SHC4: variants seen among roughly 807,000 people sequenced by gnomAD.
SHC4 encodes the protein SHC-transforming protein 4.
A neutral mutation model predicts 69.4 loss-of-function variants in SHC4; 41 were observed. The ratio of observed to expected loss-of-function variants is 0.59; its 90% confidence interval spans 0.46 to 0.77. The LOEUF is 0.77. Ranked by LOEUF, SHC4 falls within the 30% of genes least tolerant of loss-of-function variation. The pLI is 0.00. For synonymous variants in SHC4, 318 were observed against 299.3 expected (o/e 1.06, Z -0.64); for missense variants, 777 against 783.8 (o/e 0.99, Z 0.10).
intron 2 of SHC4, among the ~76,000 whole-genome samples, chr15:48,914,412 C>T (rs1047790949): frequency 7.9e-5 from 12 of 152,192 alleles, no homozygotes; most frequent in East Asian, 5.8e-4. Flanking sequence ...TTACTCCTTT[C>T]GAGGTGATTT....
At chr15:48,867,766 T>C (rs968184672) in intron 6 of SHC4, 52 bp downstream of exon 6, 2 of 1,457,724 alleles carry the variant, frequency 1.4e-6, no homozygotes, top group Admixed American at 1.7e-5. Flanking sequence ...GGTTACTTTT[T>C]AGAGTTGGTA....
chr15:48,867,234 A>G (rs1292227961), intron 6 of SHC4, among the ~76,000 whole-genome samples: 2 of 152,262 alleles, frequency 1.3e-5, no homozygotes, highest in Non-Finnish European at 2.9e-5. Flanking sequence ...GCACTAACCT[A>G]TAATAGAAAT....
chr15:48,835,619 T>C (rs919756633), intron 10 of SHC4, among the ~76,000 whole-genome samples: 1 of 152,104 alleles, frequency 6.6e-6, no homozygotes, highest in Non-Finnish European at 1.5e-5. Flanking sequence ...ACAAAAACAG[T>C]TGATGAGGTA....
chr15:48,880,522 A>G (rs894799363), intron 4 of SHC4, among the ~76,000 whole-genome samples: 2 of 152,090 alleles, frequency 1.3e-5, no homozygotes, highest in African/African-American at 4.8e-5. Flanking sequence ...TTTACTAGGA[A>G]AGATAAACTC....
At position 48,826,036 on chromosome 15, in the gene SHC4, C is replaced by A; in HGVS notation, c.1828G>T (p.Glu610Ter). ...NSLPIISSGS[E>*]VSLKQPVRKD... ...CTCACTGGTTGTTTAAGGCTTACTT[C>A]GCTTCCAGAGGAGATGATTGGCAAA... The change falls in exon 12 of 12, where the codon GAA (glutamate) becomes TAA (stop). Residue 610 changes from glutamate (E) to a stop codon, truncating the protein, a stop_gained. Transcript: ENST00000332408. LOFTEE classifies it high-confidence loss of function. 6.2e-7 allele frequency: 1 copy of A among 1,613,972 alleles called. No individual in the cohort carries two copies. The highest frequency in any genetic ancestry group is 8.5e-7 in the Non-Finnish European group (1 of 1,179,944).
chr15:48,912,700 T>G (rs1900531173), intron 2 of SHC4, among the ~76,000 whole-genome samples: 1 of 152,180 alleles, frequency 6.6e-6, no homozygotes, highest in African/African-American at 2.4e-5. Flanking sequence ...GTTTTCTGGT[T>G]CCTTCTTATT....
chr15:48,898,462 G>C (rs1205796994), intron 2 of SHC4, among the ~76,000 whole-genome samples: 1 of 152,160 alleles, frequency 6.6e-6, no homozygotes, highest in Non-Finnish European at 1.5e-5. Context: ...TTTGAGTACT[G>C]CCCACAGCAT....
rs28418669 is a variant in SHC4 at position 48,905,691 on chromosome 15, A to C, written c.657-14880T>G. Reference sequence around the variant, plus strand: ...CAATCAGAGCTAAAAATACACATGCATAGGCTTTCACATTCATGTGTTTTA... The same window carrying C: ...CAATCAGAGCTAAAAATACACATGCCTAGGCTTTCACATTCATGTGTTTTA... On this transcript the variant is annotated intron_variant, in intron 2 of 11. Transcript: ENST00000332408. Among the ~76,000 whole-genome samples the C allele has an allele frequency of 1.3e-3, 193 of 152,370 alleles. 2 individuals are homozygous for C. The highest frequency in any genetic ancestry group is 4.5e-3 in the African/African-American group (189 of 41,588).
intron 2 of SHC4, among the ~76,000 whole-genome samples, chr15:48,914,402 T>G (rs1427052597): frequency 6.6e-6 from 1 of 152,164 alleles, no homozygotes; most frequent in Non-Finnish European, 1.5e-5. Flanking sequence ...AAAGGGGAAA[T>G]TACTCCTTTC....
Position 48,824,455 on chromosome 15 carries a change from A to G in SHC4, c.*1516T>C, listed in dbSNP as rs370024614. The G allele has an allele frequency of 1.3e-5, 2 of 152,192 alleles. No individual in the cohort carries two copies. The highest frequency in any genetic ancestry group is 3.9e-4 in the East Asian group (2 of 5,188). 9.4% of individuals were successfully genotyped at this position (152,192 alleles called of 1,614,324 possible). On this transcript the variant is annotated 3_prime_UTR_variant, in exon 12 of 12. Coordinates refer to ENST00000332408, the MANE Select transcript of SHC4 (RefSeq NM_203349.4). ...AAACATTTTTCTTGGAAAGGCAAGA[A>G]AAGGACATAAGTAGTTTTCTGCTAC...
chr15:48,891,624 A>T (rs1356789466), intron 2 of SHC4, among the ~76,000 whole-genome samples: 1 of 152,142 alleles, frequency 6.6e-6, no homozygotes, highest in Non-Finnish European at 1.5e-5. Flanking sequence ...ACATATATTA[A>T]ACTTCTCACA....
intron 2 of SHC4, among the ~76,000 whole-genome samples, chr15:48,921,441 TCTC>T (rs1478194842): frequency 6.6e-6 from 1 of 151,794 alleles, no homozygotes; most frequent in African/African-American, 2.4e-5. Flanking sequence ...TTCAAGCAAT[TCTC>T]CTGCCTCAGC....
rs1901576238 is a variant in SHC4 at position 48,963,156 on chromosome 15, A to G, written c.-141T>C. On this transcript the variant is annotated 5_prime_UTR_variant, in exon 1 of 12. Transcript: ENST00000332408. The stretch of plus-strand genomic sequence containing the variant: ...TCCAACTCTGCTCTCGAGCTCGCCC[A>G]CCTCGGCTCCCGGCCCCTTAAGGGT... 2.3e-6 allele frequency: 2 copies of G among 868,244 alleles called. No homozygotes were observed. The highest frequency in any genetic ancestry group is 5.3e-5 in the East Asian group (2 of 37,516). The allele number at this position is 868,244 out of a possible 1,614,324, so 53.8% of individuals were successfully genotyped here. A position where few individuals can be genotyped will look rare whatever the true frequency, so the allele number is the denominator to read the frequency against.
intron 1 of SHC4, among the ~76,000 whole-genome samples, chr15:48,952,954 G>T (rs1030741741): frequency 6.6e-6 from 1 of 152,150 alleles, no homozygotes; most frequent in African/African-American, 2.4e-5. Context: ...CTATTATAAA[G>T]ACACATGCAC....
At chr15:48,827,118 C>T (rs1276823736) in intron 11 of SHC4, among the ~76,000 whole-genome samples, 2 of 152,070 alleles carry the variant, frequency 1.3e-5, no homozygotes, top group African/African-American at 2.4e-5. Flanking sequence ...TGGCTAGGAA[C>T]CATCCAGGAA....
intron 2 of SHC4, among the ~76,000 whole-genome samples, chr15:48,912,359 T>C (rs1900522624): frequency 6.6e-6 from 1 of 152,222 alleles, no homozygotes; most frequent in Non-Finnish European, 1.5e-5. Context: ...TTCTTTCTTC[T>C]ACTTGTTCAA....
At chr15:48,910,989 T>A (rs1567067611) in intron 2 of SHC4, among the ~76,000 whole-genome samples, 1 of 152,228 alleles carries the variant, frequency 6.6e-6, no homozygotes. Context: ...GTCTATCTCA[T>A]GGTCTATCTT....
chr15:48,924,842 A>G (rs1469402478), intron 2 of SHC4, 37 bp downstream of exon 2: 3 of 1,601,130 alleles, frequency 1.9e-6, no homozygotes, highest in Non-Finnish European at 2.6e-6. Context: ...ACTTTAAACC[A>G]TACTCCTCAA....
chr15:48,940,616 G>T (rs1901157318), intron 1 of SHC4, among the ~76,000 whole-genome samples: 1 of 152,220 alleles, frequency 6.6e-6, no homozygotes, highest in African/African-American at 2.4e-5. Flanking sequence ...CAAAGTTGAT[G>T]TCCCTAGTAG....
Sources: gnomAD v4.1 joint callset for allele counts (sites outside exome capture counted in the v4.1 genomes callset) on GRCh38, gnomAD v4.1.1 for gene constraint, MANE v1.5 for transcripts, NCBI Gene and HGNC (gene_info 2026-07-23, HGNC 2026-07-21) for gene names.